HTT: variants seen among roughly 807,000 people sequenced by gnomAD.
HTT encodes huntington disease protein.
In HTT, 104 loss-of-function variants were observed where a neutral mutation model predicts 362.3. The observed-to-expected ratio is 0.29, with a 90% CI of 0.24 to 0.34. HTT has a LOEUF of 0.34. Ranked by LOEUF, HTT falls within the 10% of genes least tolerant of loss-of-function variation. The pLI is 1.00. For synonymous variants in HTT, 1,577 were observed against 1,548.7 expected, an observed-to-expected ratio of 1.02 and a Z score of -0.43; for missense variants, 3,301 against 3,928.6, an observed-to-expected ratio of 0.84 and a Z score of 4.27.
At position 3,228,270 on chromosome 4, in the gene HTT, C is replaced by G. The variant is rs1721016289; in HGVS notation, c.7849-345C>G. Among the ~76,000 whole-genome samples the G allele has an allele frequency of 1.3e-5, 2 of 152,188 alleles. No homozygotes were observed. The highest frequency in any genetic ancestry group is 4.1e-4 in the South Asian group (2 of 4,832). On this transcript the variant is annotated intron_variant, in intron 57 of 66. Coordinates refer to ENST00000355072, the MANE Select transcript of HTT (RefSeq NM_001388492.1). This position sits in a 1 kb window ranked among gnomAD's most constrained non-coding sequence, Gnocchi z 4.3. ...GTGCGGGAGACTGGAAAAGGAATCT[C>G]ACGTATTGGTTCCGTGTTTTGGGGA...
At chr4:3,201,615 G>A (rs944368955) in intron 41 of HTT, among the ~76,000 whole-genome samples, 1 of 151,658 alleles carries the variant, frequency 6.6e-6, no homozygotes, top group African/African-American at 2.4e-5. Context: ...TTCTTTAATG[G>A]TAATGTAAAG....
intron 6 of HTT, among the ~76,000 whole-genome samples, chr4:3,110,211 A>C (rs1429924932): frequency 1.3e-5 from 2 of 152,142 alleles, no homozygotes; most frequent in African/African-American, 4.8e-5. Context: ...TCCTGGAGTT[A>C]ATCTTCACAT....
chr4:3,093,879 A>T (rs1462205621), intron 2 of HTT, among the ~76,000 whole-genome samples: 11 of 109,832 alleles, frequency 1.0e-4, no homozygotes, highest in Admixed American at 1.7e-4. Flanking sequence ...TTTTTTTTTT[A>T]AGATATCATT....
chr4:3,184,289 G>T (rs1718656816), intron 37 of HTT, among the ~76,000 whole-genome samples: 2 of 152,196 alleles, frequency 1.3e-5, no homozygotes, highest in Admixed American at 6.5e-5. Flanking sequence ...TGCTGTTAGG[G>T]TACAAGCAAT....
chr4:3,191,202 T>G (rs1175183089), intron 40 of HTT, among the ~76,000 whole-genome samples: 1 of 151,660 alleles, frequency 6.6e-6, no homozygotes. Context: ...AGACAGAGTT[T>G]CACTCTTGTT....
At chr4:3,109,749 G>A (rs61792502) in intron 6 of HTT, among the ~76,000 whole-genome samples, 10,133 of 152,148 alleles carry the variant, frequency 0.067, 472 homozygotes, top group African/African-American at 0.13. Context: ...GACCTGGGGA[G>A]GAGGAGGAGG....
At chr4:3,081,622 G>A (rs887128680) in intron 1 of HTT, among the ~76,000 whole-genome samples, 2 of 144,708 alleles carry the variant, frequency 1.4e-5, no homozygotes, top group African/African-American at 2.6e-5. Flanking sequence ...GCAGTGGCGC[G>A]ATCTCGGCTC....
intron 46 of HTT, among the ~76,000 whole-genome samples, chr4:3,209,482 A>T (rs1190156237): frequency 6.6e-6 from 1 of 152,260 alleles, no homozygotes; most frequent in South Asian, 2.1e-4. Context: ...CTATTCGCTA[A>T]GCACCTGCCC....
At chr4:3,193,169 G>A (rs1719087773) in intron 40 of HTT, among the ~76,000 whole-genome samples, 1 of 152,372 alleles carries the variant, frequency 6.6e-6, no homozygotes. Flanking sequence ...GGAGAAAGGG[G>A]CCTCTTCATG....
chr4:3,108,672 G>A (rs754283778), intron 6 of HTT, among the ~76,000 whole-genome samples: 11 of 152,102 alleles, frequency 7.2e-5, no homozygotes, highest in Non-Finnish European at 1.2e-4. Context: ...CGTAGAATCC[G>A]TTAATTACTT....
intron 1 of HTT, among the ~76,000 whole-genome samples, chr4:3,080,144 G>T (rs577147840): frequency 5.8e-4 from 87 of 148,772 alleles, no homozygotes; most frequent in Non-Finnish European, 1.0e-3. Flanking sequence ...ACCCGGGCTG[G>T]AGTGCAATGA....
chr4:3,211,610 A>C (rs557766634), intron 47 of HTT, among the ~76,000 whole-genome samples: 1 of 152,140 alleles, frequency 6.6e-6, no homozygotes, highest in East Asian at 1.9e-4. Flanking sequence ...TTTAGCTTTG[A>C]TTTTGTTTTT....
chr4:3,188,987 C>G lies in HTT; in HGVS notation c.5262C>G (p.Asp1754Glu). 6.2e-7 allele frequency: 1 copy of G among 1,614,068 alleles called. No homozygotes were observed. Among genetic ancestry groups the G allele is most frequent in the East Asian group, 2.2e-5 (1 of 44,888 alleles). ...AACTGGTTGGTATTCTTTTAGAAGA[C>G]ATTGTTACAAAACAGCTGAAGGTGG... Reference protein sequence around the residue: ...LLQLVGILLEDIVTKQLKVEM... With the variant: ...LLQLVGILLEEIVTKQLKVEM... Residue 1754 changes from aspartate (D) to glutamate (E), a missense_variant, in exon 40 of 67, where the codon GAC (aspartate) becomes GAG (glutamate). By Grantham distance (45) the Asp-to-Glu change is conservative. Coordinates refer to ENST00000355072, the MANE Select transcript of HTT (RefSeq NM_001388492.1).
chr4:3,174,578 G>T lies in HTT; in HGVS notation c.4167-143G>T, dbSNP rs139878605. On this transcript the variant is annotated intron_variant, in intron 31 of 66. Transcript: ENST00000355072. ...GAAGAGGGCGATGCTGCCACACTGAGTGGCCTTTCAAGTTGTTTCTCAATC... is the reference window on the plus strand; with the variant it reads ...GAAGAGGGCGATGCTGCCACACTGATTGGCCTTTCAAGTTGTTTCTCAATC... 5 of 622,130 alleles carry T rather than the reference G, an allele frequency of 8.0e-6. No homozygotes were observed. In the Admixed American group the frequency reaches 1.2e-4, roughly 15 times the overall value. The allele number at this position is 622,130 out of a possible 1,614,324, so 38.5% of individuals were successfully genotyped here.
chr4:3,229,442 CCA>C (rs1377202766), intron 59 of HTT, among the ~76,000 whole-genome samples: 4 of 149,938 alleles, frequency 2.7e-5, no homozygotes, highest in Non-Finnish European at 4.4e-5. Flanking sequence ...CACACATGCA[CCA>C]CACACATGCC....
chr4:3,120,004 A>G (rs1163694530), intron 8 of HTT, among the ~76,000 whole-genome samples: 1 of 152,166 alleles, frequency 6.6e-6, no homozygotes, highest in Non-Finnish European at 1.5e-5. Context: ...TTCCGGTGAA[A>G]CTTTAGGTAC....
chr4:3,080,004 C>T (rs1413682477), intron 1 of HTT, among the ~76,000 whole-genome samples: 2 of 152,050 alleles, frequency 1.3e-5, no homozygotes, highest in Non-Finnish European at 2.9e-5. Flanking sequence ...AATCCTGCTG[C>T]AATAGCTTAA....
At chr4:3,159,240 T>G (rs1001759394) in intron 28 of HTT, among the ~76,000 whole-genome samples, 6 of 152,234 alleles carry the variant, frequency 3.9e-5, no homozygotes, top group African/African-American at 1.2e-4. Context: ...TTGCAGCTCT[T>G]CTGAAGACCT....
At chr4:3,191,358 A>G (rs1719006526) in intron 40 of HTT, among the ~76,000 whole-genome samples, 1 of 151,984 alleles carries the variant, frequency 6.6e-6, no homozygotes, top group South Asian at 2.1e-4. Context: ...TATTTTTAGT[A>G]GAGACAGGGT....
Sources: gnomAD v4.1 joint callset for allele counts (sites outside exome capture counted in the v4.1 genomes callset) on GRCh38, gnomAD v4.1.1 for gene constraint, Gnocchi (gnomAD v3.1) non-coding constraint, MANE v1.5 for transcripts, NCBI Gene and HGNC (gene_info 2026-07-23, HGNC 2026-07-21) for gene names.